The following ARID1B variants were observed in gnomAD, a reference collection of about 807,000 sequenced individuals.
ARID1B encodes AT-rich interaction domain 1B.
In ARID1B, 30 loss-of-function variants were observed where a neutral mutation model predicts 212.3. The ratio of observed to expected loss-of-function variants is 0.14; its 90% CI spans 0.11 to 0.19. The LOEUF (loss-of-function observed/expected upper bound fraction) is 0.19, where lower values mean the gene tolerates loss of function less well. Among genes scored for constraint, ARID1B ranks in the 10% least tolerant of loss-of-function variants. The pLI, the probability that ARID1B is intolerant of heterozygous loss-of-function variation, is 1.00. For synonymous variants in ARID1B, 1,402 were observed against 1,301.7 expected (o/e 1.08, Z -1.66); for missense variants, 2,891 against 3,204.0 (o/e 0.90, Z 2.36).
intron 1 of ARID1B, among the ~76,000 whole-genome samples, chr6:156,812,206 A>G (rs555760258): frequency 3.1e-4 from 47 of 152,212 alleles, no homozygotes; most frequent in African/African-American, 1.1e-3. Context: ...ATCACAGCTC[A>G]TTGCAGCCTC....
intron 4 of ARID1B, chr6:156,941,741 T>C (rs1792689996): frequency 6.6e-6 from 1 of 152,232 alleles, no homozygotes; most frequent in Admixed American, 6.5e-5. Flanking sequence ...TCCATTTAAA[T>C]ATTTGTTCTG....
At chr6:156,898,344 C>G (rs1002193409) in intron 2 of ARID1B, among the ~76,000 whole-genome samples, 1 of 152,168 alleles carries the variant, frequency 6.6e-6, no homozygotes, top group African/African-American at 2.4e-5. Context: ...TTTGGGCCCT[C>G]CTTGTGTGGG....
At chr6:156,863,644 A>G (rs566150847) in intron 2 of ARID1B, among the ~76,000 whole-genome samples, 1 of 152,322 alleles carries the variant, frequency 6.6e-6, no homozygotes, top group African/African-American at 2.4e-5. Flanking sequence ...TCTATTTTAT[A>G]GATGGGGAAC....
At chr6:156,914,464 C>G (rs1790184806) in intron 3 of ARID1B, among the ~76,000 whole-genome samples, 1 of 152,224 alleles carries the variant, frequency 6.6e-6, no homozygotes, top group Admixed American at 6.5e-5. Context: ...TCTCTTCCTA[C>G]TTTGTGGCCG....
intron 4 of ARID1B, chr6:157,023,169 T>A (rs1780436164): frequency 6.6e-6 from 1 of 152,208 alleles, no homozygotes; most frequent in South Asian, 2.1e-4. Context: ...AGGAGTGAGT[T>A]GCATACTAGG....
At chr6:157,022,731 T>C (rs967715618) in intron 4 of ARID1B, 25 of 148,276 alleles carry the variant, frequency 1.7e-4, no homozygotes, top group Non-Finnish European at 1.2e-4. Context: ...TGTTCTCTTG[T>C]TGATAATTCT....
At chr6:156,893,040 TC>T (rs1005150091) in intron 2 of ARID1B, among the ~76,000 whole-genome samples, 28 of 129,984 alleles carry the variant, frequency 2.2e-4, no homozygotes, top group African/African-American at 7.3e-4. Context: ...TTTTCTTTTT[TC>T]TTCCTTTTTT....
chr6:156,809,832 C>A lies in ARID1B; in HGVS notation c.1792-19395C>A, dbSNP rs145274786. On this transcript the variant is annotated intron_variant, in intron 1 of 19. Transcript: ENST00000636930. ...CCAGAAAGTGGAGCGGGCCTTGGTT[C>A]TGACATGGGCTTAGCATGGTAGGCT... Among the ~76,000 whole-genome samples, 393 of 151,634 alleles carry A rather than the reference C, an allele frequency of 2.6e-3. 2 individuals carry two copies. The highest frequency in any genetic ancestry group is 8.6e-3 in the African/African-American group (356 of 41,372).
chr6:157,118,260 C>T (rs906897383), intron 6 of ARID1B, among the ~76,000 whole-genome samples: 7 of 152,158 alleles, frequency 4.6e-5, no homozygotes, highest in African/African-American at 7.2e-5. Context: ...TTGCAACCTA[C>T]GGAAACCGTG....
chr6:157,037,142 G>A (rs1484593305), intron 4 of ARID1B, among the ~76,000 whole-genome samples: 2 of 152,122 alleles, frequency 1.3e-5, no homozygotes, highest in Non-Finnish European at 2.9e-5. Context: ...ATTTCAATTC[G>A]GCATAGCACA....
intron 1 of ARID1B, among the ~76,000 whole-genome samples, chr6:156,798,918 A>G (rs538137402): frequency 6.6e-6 from 1 of 152,360 alleles, no homozygotes; most frequent in African/African-American, 2.4e-5. Flanking sequence ...ATTGGATACT[A>G]AAAAACTTGG....
chr6:156,966,786 C>T lies in ARID1B; in HGVS notation c.2247+31210C>T, dbSNP rs879841549. Among the ~76,000 whole-genome samples, 29 of 152,326 alleles carry T rather than the reference C, an allele frequency of 1.9e-4. No individual in the cohort carries two copies. The East Asian group carries it at 4.2e-3, about 22-fold the overall frequency. ...CGCGATCTCGGCTCACTGCATCCTC[C>T]GCCTTTCGGGTTCAAGCGTTTCTCC... On this transcript the variant is annotated intron_variant, in intron 4 of 19. Transcript: ENST00000636930.
intron 2 of ARID1B, among the ~76,000 whole-genome samples, chr6:156,862,726 T>C (rs1207030889): frequency 6.6e-6 from 1 of 152,146 alleles, no homozygotes; most frequent in Admixed American, 6.5e-5. Flanking sequence ...TGGGACTGCA[T>C]GTCTTGTTGT....
In ARID1B at chr6:157,006,502, C is replaced by A. The variant is rs556983225; in HGVS notation, c.2247+70926C>A. 1.4e-4 allele frequency among the ~76,000 whole-genome samples: 21 copies of A among 152,338 alleles called. No homozygotes were observed. In the South Asian group the frequency reaches 4.1e-3, roughly 30 times the overall value. ...AGAGCAGTACCAGTTAAGCAGCCAT[C>A]ATTTGCATATGCCTAGGAGAACGTT... On this transcript the variant is annotated intron_variant, in intron 4 of 19. Transcript: ENST00000636930.
rs576316968 is a variant in ARID1B, at chr6:156,998,559, A to G, written c.2247+62983A>G. On this transcript the variant is annotated intron_variant, in intron 4 of 19. Coordinates refer to ENST00000636930, the MANE Select transcript of ARID1B (RefSeq NM_001374828.1). ...TTGAAAGAAGTTGAGAAAAGTTCCAAGAGGTGGAAGGGGCACGAGGAATGA... is the reference window on the plus strand; with the variant it reads ...TTGAAAGAAGTTGAGAAAAGTTCCAGGAGGTGGAAGGGGCACGAGGAATGA... 3.9e-5 allele frequency among the ~76,000 whole-genome samples: 6 copies of G among 152,282 alleles called. No homozygotes were observed. In the South Asian group the frequency reaches 1.2e-3, roughly 32 times the overall value.
chr6:156,945,153 TC>T (rs1792999068), intron 4 of ARID1B, among the ~76,000 whole-genome samples: 1 of 146,898 alleles, frequency 6.8e-6, no homozygotes, highest in Non-Finnish European at 1.5e-5. Flanking sequence ...GCCAGGATGG[TC>T]TTGATCTCCT....
chr6:156,918,605 A>T lies in ARID1B; in HGVS notation c.2137-16861A>T, dbSNP rs940880273. ...TCTTTCTTCTTGCTACAGTTGTCTC[A>T]GGCTTTGAACCATTGCTGAGGGAGA... On this transcript the variant is annotated intron_variant, in intron 3 of 19. Coordinates refer to ENST00000636930, the MANE Select transcript of ARID1B (RefSeq NM_001374828.1). Among the ~76,000 whole-genome samples, 10 of 152,210 alleles carry T rather than the reference A, an allele frequency of 6.6e-5. No individual in the cohort carries two copies. The East Asian group carries it at 1.7e-3, about 26-fold the overall frequency.
chr6:157,198,599 G>C (rs1793897819), intron 16 of ARID1B: 1 of 531,552 alleles, frequency 1.9e-6, no homozygotes, highest in African/African-American at 1.9e-5. Flanking sequence ...CCCAAACTAG[G>C]AGCTTGGCAC....
At chr6:157,118,160 G>T (rs1476505151) in intron 6 of ARID1B, among the ~76,000 whole-genome samples, 8 of 152,166 alleles carry the variant, frequency 5.3e-5, no homozygotes, top group Admixed American at 5.2e-4. Context: ...TAATATTCAA[G>T]AATAGATTAA....
Sources: allele counts gnomAD v4.1 joint callset (sites outside exome capture counted in the v4.1 genomes callset), GRCh38; gene constraint gnomAD v4.1.1; transcripts MANE v1.5; gene names NCBI Gene and HGNC (gene_info 2026-07-23, HGNC 2026-07-21).